FRMD5: variants seen among roughly 807,000 people sequenced by gnomAD.
FRMD5 encodes FERM domain containing 5, also known as FERM domain-containing protein 5.
FRMD5 carries 20 observed loss-of-function variants against 69.0 expected under a neutral mutation model. The ratio of observed to expected loss-of-function variants is 0.29; its 90% CI spans 0.20 to 0.42. FRMD5 has a LOEUF of 0.42. Among genes scored for constraint, FRMD5 ranks in the 10% least tolerant of loss-of-function variants. The pLI is 1.00. For synonymous variants in FRMD5, 271 were observed against 260.1 expected (o/e 1.04, Z -0.40); for missense variants, 595 against 708.6 (o/e 0.84, Z 1.82).
intron 1 of FRMD5, among the ~76,000 whole-genome samples, chr15:44,132,789 G>A (rs1031308238): frequency 1.3e-5 from 2 of 150,322 alleles, no homozygotes; most frequent in Non-Finnish European, 3.0e-5. Context: ...ACAGAGTCTC[G>A]CCCTGTTGCC....
chr15:43,956,664 A>C (rs2090120644), intron 1 of FRMD5, among the ~76,000 whole-genome samples: 1 of 152,212 alleles, frequency 6.6e-6, no homozygotes, highest in South Asian at 2.1e-4. Context: ...AGTGTTTCTT[A>C]ATCAACTTTG....
chr15:44,062,154 CT>C (rs769313739), intron 1 of FRMD5, among the ~76,000 whole-genome samples: 1 of 152,104 alleles, frequency 6.6e-6, no homozygotes, highest in African/African-American at 2.4e-5. Flanking sequence ...TAAATAAAGA[CT>C]TTATTTTCTT....
chr15:43,884,871 G>C (rs2088626173), intron 11 of FRMD5, 76 bp from the exon 12 acceptor site: 2 of 1,288,822 alleles, frequency 1.6e-6, no homozygotes, highest in Non-Finnish European at 2.2e-6. Context: ...AAGATCTTAG[G>C]TGCTTTCCCT....
At chr15:43,967,327 G>C (rs1469825905) in intron 1 of FRMD5, among the ~76,000 whole-genome samples, 2 of 151,816 alleles carry the variant, frequency 1.3e-5, no homozygotes, top group Non-Finnish European at 2.9e-5. Context: ...CCACCTCCCG[G>C]GTTCAAGCAA....
At chr15:44,182,081 G>A (rs1036947118) in intron 1 of FRMD5, among the ~76,000 whole-genome samples, 2 of 151,376 alleles carry the variant, frequency 1.3e-5, no homozygotes, top group Non-Finnish European at 2.9e-5. Flanking sequence ...TGCGATCTCG[G>A]CTCACTGCAA....
At chr15:44,191,020 G>A (rs2078183519) in intron 1 of FRMD5, among the ~76,000 whole-genome samples, 1 of 152,116 alleles carries the variant, frequency 6.6e-6, no homozygotes, top group African/African-American at 2.4e-5. Context: ...CCAAATATTG[G>A]TTATACTATG....
intron 8 of FRMD5, among the ~76,000 whole-genome samples, chr15:43,889,968 T>C (rs1266480444): frequency 6.6e-6 from 1 of 152,216 alleles, no homozygotes; most frequent in Non-Finnish European, 1.5e-5. Flanking sequence ...CCCAACTTAC[T>C]GCTGGAAAAA....
intron 1 of FRMD5, among the ~76,000 whole-genome samples, chr15:44,166,662 TAATCCCAGCTACTCGG>T (rs961141288): frequency 6.6e-6 from 1 of 151,134 alleles, no homozygotes; most frequent in African/African-American, 2.4e-5. Flanking sequence ...TGAGCAGCTG[TAATCCCAGCTACTCGG>T]GAGGCTGAGG....
At chr15:43,910,423 C>T (rs1037176529) in intron 4 of FRMD5, among the ~76,000 whole-genome samples, 2 of 152,030 alleles carry the variant, frequency 1.3e-5, no homozygotes, top group Non-Finnish European at 2.9e-5. Flanking sequence ...AGAGTTCAGC[C>T]TCAACTTACC....
At chr15:43,941,233 T>C (rs1322683107) in intron 1 of FRMD5, among the ~76,000 whole-genome samples, 1 of 152,108 alleles carries the variant, frequency 6.6e-6, no homozygotes, top group Non-Finnish European at 1.5e-5. Context: ...CCAGGTGTGG[T>C]AACGTGTGCC....
chr15:43,874,756 C>T (rs769179324), intron 13 of FRMD5, among the ~76,000 whole-genome samples: 16 of 151,666 alleles, frequency 1.1e-4, no homozygotes, highest in Non-Finnish European at 2.2e-4. Flanking sequence ...AAAAATCAGC[C>T]GGGCCTGGTG....
chr15:43,994,011 T>C (rs1390515662), intron 1 of FRMD5, among the ~76,000 whole-genome samples: 1 of 152,182 alleles, frequency 6.6e-6, no homozygotes, highest in East Asian at 1.9e-4. Context: ...TATAGTTGGG[T>C]CTTGTTTTTT....
chr15:44,104,883 G>A (rs981896983), intron 1 of FRMD5, among the ~76,000 whole-genome samples: 9 of 151,928 alleles, frequency 5.9e-5, no homozygotes, highest in African/African-American at 1.5e-4. Context: ...TAACGTTTTC[G>A]AGGCTCATCC....
intron 1 of FRMD5, among the ~76,000 whole-genome samples, chr15:44,162,746 A>G (rs1038300454): frequency 2.6e-5 from 4 of 151,938 alleles, no homozygotes; most frequent in African/African-American, 7.3e-5. Flanking sequence ...GCATGCCTGT[A>G]ATACCAGCTA....
intron 1 of FRMD5, among the ~76,000 whole-genome samples, chr15:44,107,112 G>C (rs2076730938): frequency 6.6e-6 from 1 of 152,094 alleles, no homozygotes; most frequent in Non-Finnish European, 1.5e-5. Flanking sequence ...TGGTATTGTG[G>C]GTTGTTTGTT....
At chr15:43,982,191 G>A (rs2090558998) in intron 1 of FRMD5, among the ~76,000 whole-genome samples, 1 of 152,328 alleles carries the variant, frequency 6.6e-6, no homozygotes, top group African/African-American at 2.4e-5. Context: ...CCCTGACCTA[G>A]AGGCTGAATT....
intron 1 of FRMD5, among the ~76,000 whole-genome samples, chr15:43,996,820 C>G (rs1889953440): frequency 7.1e-6 from 1 of 141,584 alleles, no homozygotes; most frequent in Non-Finnish European, 1.5e-5. Flanking sequence ...TAGGCTCTAT[C>G]CTGGATCTAC....
At chr15:44,051,205 G>A (rs1892651059) in intron 1 of FRMD5, among the ~76,000 whole-genome samples, 1 of 125,314 alleles carries the variant, frequency 8.0e-6, no homozygotes, top group South Asian at 2.6e-4. Context: ...AGGCTGGAGT[G>A]CAGTCATGCA....
At chr15:43,933,021 A>T (rs192977334) in intron 1 of FRMD5, among the ~76,000 whole-genome samples, 1 of 152,340 alleles carries the variant, frequency 6.6e-6, no homozygotes, top group East Asian at 1.9e-4. Context: ...TGGTCCCACT[A>T]GAGGAACAAA....
Sources: gnomAD v4.1 joint callset for allele counts (sites outside exome capture counted in the v4.1 genomes callset) on GRCh38, gnomAD v4.1.1 for gene constraint, MANE v1.5 for transcripts, NCBI Gene and HGNC (gene_info 2026-07-23, HGNC 2026-07-21) for gene names.